The following STMN3 variants were observed in gnomAD, a reference collection of about 807,000 sequenced individuals.
STMN3 encodes the protein stathmin-3.
Under a neutral mutation model 23.2 loss-of-function variants are expected in STMN3, and 24 were observed. That is an observed-to-expected ratio of 1.03 (90% confidence interval 0.75 to 1.45). The LOEUF (loss-of-function observed/expected upper bound fraction) is 1.45, where lower values mean the gene tolerates loss of function less well. Among genes scored for constraint, STMN3 ranks in the 40% most tolerant of loss-of-function variants. STMN3 has a pLI of 0.00. For missense variants in STMN3, 235 were observed against 237.6 expected, an observed-to-expected ratio of 0.99 and a Z score of 0.07; for synonymous variants, 117 against 103.4, an observed-to-expected ratio of 1.13 and a Z score of -0.80.
intron 2 of STMN3, 126 bp from the exon 3 acceptor site, chr20:63,644,057 A>T: frequency 7.1e-7 from 1 of 1,412,280 alleles, no homozygotes; most frequent in Non-Finnish European, 9.6e-7. Context: ...TCCCGCAGGA[A>T]TCCCAGGCTT....
chr20:63,647,823 T>C lies in STMN3; in HGVS notation c.20-3514A>G, dbSNP rs1008635644. 6.3e-5 allele frequency among the ~76,000 whole-genome samples: 8 copies of C among 127,922 alleles called. No individual in the cohort carries two copies. The South Asian group carries it at 1.8e-3, about 29-fold the overall frequency. 83.9% of individuals were successfully genotyped at this position (127,922 alleles called of 152,430 possible). On this transcript the variant is annotated intron_variant, in intron 1 of 4. Coordinates refer to ENST00000370053, the MANE Select transcript of STMN3 (RefSeq NM_015894.4). ...CGTATATATACACGTGTATATATAATATATATACGTATATATGTATATATT... is the reference window on the plus strand; with the variant it reads ...CGTATATATACACGTGTATATATAACATATATACGTATATATGTATATATT...
At chr20:63,642,796 C>A (rs1259618458) in intron 3 of STMN3, among the ~76,000 whole-genome samples, 1 of 152,102 alleles carries the variant, frequency 6.6e-6, no homozygotes, top group Non-Finnish European at 1.5e-5. Flanking sequence ...GGGGGAGGGG[C>A]CGGCTGGTGA....
rs1288050001 is a variant in STMN3, at chr20:63,647,991, T to TATATATAC, written c.20-3683_20-3682insGTATATAT. Among the ~76,000 whole-genome samples, 526 of 75,830 alleles carry TATATATAC rather than the reference T, an allele frequency of 6.9e-3. 62 individuals are homozygous for TATATATAC. Among genetic ancestry groups the TATATATAC allele is most frequent in the Middle Eastern group, 0.017 (2 of 120 alleles). The allele number at this position is 75,830 out of a possible 152,430, so 49.7% of individuals were successfully genotyped here. On this transcript the variant is annotated intron_variant, in intron 1 of 4. Coordinates refer to ENST00000370053, the MANE Select transcript of STMN3 (RefSeq NM_015894.4). ...ATATATATATATATACATATATATA[T>TATATATAC]ACAGAGAGAGAGAGAGTAGTGATAG...
rs1420055702 is a variant in STMN3 at position 63,643,762 on chromosome 20, C to T, written c.285G>A (p.Arg95=). ...GGGATGGAGGACTCCTTGCCTTCCT[C>T]CGCTCCTCGGCTGCCTCCAGCCGCT... The part of the protein sequence containing the change: ...LQKRLEAAEE[R]RKTQEAQVLK... The change falls in exon 3 of 5, where the codon CGG becomes CGA. Residue 95 remains arginine (R), a synonymous_variant. Coordinates refer to ENST00000370053, the MANE Select transcript of STMN3 (RefSeq NM_015894.4). 1.9e-6 allele frequency: 3 copies of T among 1,543,664 alleles called. No homozygotes were observed. The highest frequency in any genetic ancestry group is 1.4e-5 in the African/African-American group (1 of 70,582).
At chr20:63,645,916 G>A (rs1274930900) in intron 1 of STMN3, among the ~76,000 whole-genome samples, 1 of 152,068 alleles carries the variant, frequency 6.6e-6, no homozygotes, top group Non-Finnish European at 1.5e-5. Context: ...TCGCGCCATC[G>A]CACTCCAGCC....
intron 1 of STMN3, among the ~76,000 whole-genome samples, chr20:63,645,411 G>C (rs576891275): frequency 6.6e-6 from 1 of 152,268 alleles, no homozygotes; most frequent in Admixed American, 6.5e-5. Context: ...GAGCAAGGGA[G>C]GGAAGCTGTC....
At position 63,652,454 on chromosome 20, in the gene STMN3, G is replaced by C. The variant is rs1475851768; in HGVS notation, c.19+873C>G. On this transcript the variant is annotated intron_variant, in intron 1 of 4. Transcript: ENST00000370053. The surrounding 1 kb of genome is among the most constrained non-coding windows in gnomAD (Gnocchi z 5.3). ...CGGGAAGGGCGGGCCCAGCGTCCTC[G>C]CGCCCGAGGTCGCCCGGCAGCTCCC... 1.9e-5 allele frequency: 11 copies of C among 580,432 alleles called. No homozygotes were observed. The highest frequency in any genetic ancestry group is 2.2e-5 in the Non-Finnish European group (10 of 459,482). The allele number at this position is 580,432 out of a possible 1,614,324, so 36.0% of individuals were successfully genotyped here.
rs776669280 is a variant in STMN3, at chr20:63,642,188, T to C, written c.403A>G (p.Lys135Glu). ...NNNFSRQAEE[K>E]LNYKMELSKE... is the part of the protein sequence containing the mutation. ...CTGAGCTCCATCTTGTAGTTGAGCT[T>C]CTCCTCCGCCTGGCGGCTGAAGTTG... is the stretch of plus-strand genomic sequence containing the variant. Residue 135 changes from lysine to glutamate, a missense_variant, in exon 4 of 5, where the codon AAG becomes GAG. Coordinates refer to ENST00000370053, the MANE Select transcript of STMN3 (RefSeq NM_015894.4). 1 of 1,559,568 alleles carries C rather than the reference T, an allele frequency of 6.4e-7. No homozygotes were observed. Among genetic ancestry groups the C allele is most frequent in the Admixed American group, 1.9e-5 (1 of 53,600 alleles).
At chr20:63,645,666 T>C (rs1378909131) in intron 1 of STMN3, among the ~76,000 whole-genome samples, 1 of 152,140 alleles carries the variant, frequency 6.6e-6, no homozygotes, top group Non-Finnish European at 1.5e-5. Flanking sequence ...CGATAATCCT[T>C]TTGGCTGGGT....
At position 63,640,711 on chromosome 20, in the gene STMN3, A is replaced by T. The variant is rs1323030767; in HGVS notation, c.*627T>A. 1 of 173,798 alleles carries T rather than the reference A, an allele frequency of 5.8e-6. No individual in the cohort carries two copies. Among genetic ancestry groups the T allele is most frequent in the East Asian group, 1.8e-4 (1 of 5,664 alleles). 10.8% of individuals were successfully genotyped at this position (173,798 alleles called of 1,614,324 possible). A position where few individuals can be genotyped will look rare whatever the true frequency, so the allele number is the denominator to read the frequency against. On this transcript the variant is annotated 3_prime_UTR_variant, in exon 5 of 5. Transcript: ENST00000370053. The stretch of plus-strand genomic sequence containing the variant: ...CCCAGCAGACTCAGGGCAGGCCCCC[A>T]ACTGCAGGCTTCCAGGAAGGCCCAG...
At chr20:63,648,141 TAAAC>T (rs1259165494) in intron 1 of STMN3, among the ~76,000 whole-genome samples, 5 of 150,966 alleles carry the variant, frequency 3.3e-5, no homozygotes, top group African/African-American at 1.2e-4. Flanking sequence ...AAATTAATGT[TAAAC>T]AAGAGGATGT....
intron 1 of STMN3, among the ~76,000 whole-genome samples, chr20:63,648,526 AAG>A (rs1375709138): frequency 6.6e-6 from 1 of 152,106 alleles, no homozygotes; most frequent in Non-Finnish European, 1.5e-5. Context: ...GCTTGAGAAC[AAG>A]AGTTTGAGAC....
chr20:63,646,543 C>G (rs547823070), intron 1 of STMN3, among the ~76,000 whole-genome samples: 4 of 151,556 alleles, frequency 2.6e-5, no homozygotes, highest in Non-Finnish European at 4.4e-5. Flanking sequence ...TTAGTAGAGA[C>G]GGGGTTTCAC....
chr20:63,647,958 A>G (rs770344256), intron 1 of STMN3, among the ~76,000 whole-genome samples: 783 of 74,466 alleles, frequency 0.011, 72 homozygotes, highest in Middle Eastern at 0.023. Context: ...GTATATATAT[A>G]TGTATATATA....
intron 1 of STMN3, among the ~76,000 whole-genome samples, chr20:63,644,730 G>A (rs2089796249): frequency 6.6e-6 from 1 of 152,198 alleles, no homozygotes; most frequent in Admixed American, 6.5e-5. Context: ...TAGGCCATGA[G>A]GATAGAGCCC....
At chr20:63,647,984 A>ATGTG (rs1264309430) in intron 1 of STMN3, among the ~76,000 whole-genome samples, 2 of 104,230 alleles carry the variant, frequency 1.9e-5, no homozygotes, top group Admixed American at 1.1e-4. Flanking sequence ...ATATATACAT[A>ATGTG]TATATATACA....
Position 63,642,239 on chromosome 20 carries a change from G to T in STMN3, c.352C>A (p.Leu118Met). Residue 118 changes from leucine to methionine, a missense_variant, in exon 4 of 5, where the codon CTG becomes ATG. Coordinates refer to ENST00000370053, the MANE Select transcript of STMN3 (RefSeq NM_015894.4). ...AERREHEREV[L>M]HKALEENNNF... is the part of the protein sequence containing the mutation. ...TTATTCTCCTCCAGCGCCTTGTGCAGCACCTCGCGCTCGTGCTCGCGCCGC... is the reference window on the plus strand; with the variant it reads ...TTATTCTCCTCCAGCGCCTTGTGCATCACCTCGCGCTCGTGCTCGCGCCGC... 2 of 1,552,912 alleles carry T rather than the reference G, an allele frequency of 1.3e-6. No individual in the cohort carries two copies. The highest frequency in any genetic ancestry group is 2.3e-5 in the South Asian group (2 of 85,530).
chr20:63,642,625 C>T (rs977674359), intron 3 of STMN3, among the ~76,000 whole-genome samples: 7 of 152,238 alleles, frequency 4.6e-5, no homozygotes, highest in Admixed American at 3.9e-4. Context: ...GCGCGTCTGC[C>T]CCTCCAAGGA....
In STMN3 at chr20:63,642,202, C is replaced by T. The variant is rs1271629538; in HGVS notation, c.389G>A (p.Arg130His). 5.8e-6 allele frequency: 9 copies of T among 1,563,380 alleles called. No homozygotes were observed. The highest frequency in any genetic ancestry group is 7.8e-6 in the Non-Finnish European group (9 of 1,157,090). The change falls in exon 4 of 5, where the codon CGC becomes CAC. Residue 130 changes from arginine (R) to histidine (H), a missense_variant. Arg to His is a conservative substitution (Grantham distance 29, BLOSUM62 0). Transcript: ENST00000370053. Reference protein sequence around the residue: ...KALEENNNFSRQAEEKLNYKM... With the variant: ...KALEENNNFSHQAEEKLNYKM... The stretch of plus-strand genomic sequence containing the variant: ...GTAGTTGAGCTTCTCCTCCGCCTGG[C>T]GGCTGAAGTTGTTATTCTCCTCCAG...
Sources: allele counts gnomAD v4.1 joint callset (sites outside exome capture counted in the v4.1 genomes callset), GRCh38; gene constraint gnomAD v4.1.1; non-coding constraint Gnocchi (gnomAD v3.1); transcripts MANE v1.5; gene names NCBI Gene and HGNC (gene_info 2026-07-23, HGNC 2026-07-21).